ROBO2: variants seen among roughly 807,000 people sequenced by gnomAD.
ROBO2 encodes roundabout homolog 2.
Under a neutral mutation model 160.8 loss-of-function variants are expected in ROBO2, and 53 were observed. The observed-to-expected ratio is 0.33, with a 90% confidence interval of 0.26 to 0.41. The LOEUF is 0.41. Among genes scored for constraint, ROBO2 ranks in the 10% least tolerant of loss-of-function variants. The pLI is 1.00. For missense variants in ROBO2, 1,577 were observed against 1,722.4 expected (o/e 0.92, Z 1.49); for synonymous variants, 664 against 611.7 (o/e 1.09, Z -1.26).
At chr3:77,432,645 G>C (rs1376002672) in intron 2 of ROBO2, among the ~76,000 whole-genome samples, 1 of 152,170 alleles carries the variant, frequency 6.6e-6, no homozygotes, top group East Asian at 1.9e-4. Flanking sequence ...TGACAAGACT[G>C]AGTAGTTGCC....
intron 2 of ROBO2, among the ~76,000 whole-genome samples, chr3:76,382,517 G>A (rs1275492642): frequency 6.6e-6 from 1 of 152,220 alleles, no homozygotes; most frequent in African/African-American, 2.4e-5. Context: ...AACCCGGGAG[G>A]CGGAGCTTGC....
chr3:77,557,512 A>C (rs1036201203), intron 8 of ROBO2, among the ~76,000 whole-genome samples: 1 of 151,984 alleles, frequency 6.6e-6, no homozygotes, highest in Non-Finnish European at 1.5e-5. Context: ...AAAAGTGAAA[A>C]TTGGCTGTAC....
intron 2 of ROBO2, among the ~76,000 whole-genome samples, chr3:76,791,177 A>G (rs1166630928): frequency 6.6e-6 from 1 of 151,778 alleles, no homozygotes; most frequent in Non-Finnish European, 1.5e-5. Context: ...TTGGAGTGTC[A>G]ATTATAAGAA....
At chr3:77,293,402 T>C (rs575603626) in intron 2 of ROBO2, among the ~76,000 whole-genome samples, 1 of 147,090 alleles carries the variant, frequency 6.8e-6, no homozygotes, top group Non-Finnish European at 1.5e-5. Flanking sequence ...AGACATAAAG[T>C]AAAATTGATG....
chr3:76,787,149 C>T (rs1160965997), intron 2 of ROBO2, among the ~76,000 whole-genome samples: 2 of 151,214 alleles, frequency 1.3e-5, no homozygotes, highest in African/African-American at 4.8e-5. Context: ...CACCATGTCC[C>T]TCACTCAACC....
chr3:77,597,272 T>A (rs753005540), intron 19 of ROBO2, among the ~76,000 whole-genome samples: 10 of 151,396 alleles, frequency 6.6e-5, no homozygotes, highest in Non-Finnish European at 1.3e-4. Context: ...TTTCTGTAGT[T>A]CCACAACTAG....
chr3:77,625,735 T>A (rs1039713685), intron 23 of ROBO2, among the ~76,000 whole-genome samples: 1 of 152,140 alleles, frequency 6.6e-6, no homozygotes, highest in Admixed American at 6.6e-5. Flanking sequence ...TAGCTAAGAA[T>A]GGTTTTTCAC....
chr3:77,141,833 AC>A (rs1440615470), intron 2 of ROBO2, among the ~76,000 whole-genome samples: 19 of 152,214 alleles, frequency 1.2e-4, no homozygotes, highest in Admixed American at 1.2e-3. Context: ...CATTTCTGCT[AC>A]ATCCTTGGGT....
intron 6 of ROBO2, among the ~76,000 whole-genome samples, chr3:77,531,960 A>G (rs1240298104): frequency 6.6e-6 from 1 of 152,138 alleles, no homozygotes; most frequent in African/African-American, 2.4e-5. Context: ...ATTAAGCATC[A>G]GGTTTTCCGT....
intron 2 of ROBO2, among the ~76,000 whole-genome samples, chr3:76,707,112 A>C (rs2093179786): frequency 6.6e-6 from 1 of 151,998 alleles, no homozygotes; most frequent in Non-Finnish European, 1.5e-5. Flanking sequence ...GTATACATAG[A>C]CTATATATTA....
chr3:76,775,553 A>G (rs986442568), intron 2 of ROBO2, among the ~76,000 whole-genome samples: 9 of 150,842 alleles, frequency 6.0e-5, no homozygotes, highest in Non-Finnish European at 1.0e-4. Flanking sequence ...GTACTTAGCA[A>G]TGAATAACTT....
chr3:76,291,961 T>C (rs946379976), intron 2 of ROBO2, among the ~76,000 whole-genome samples: 2 of 152,194 alleles, frequency 1.3e-5, no homozygotes, highest in African/African-American at 2.4e-5. Context: ...GTATGTACTA[T>C]GTGCAGATGA....
chr3:76,267,836 A>T (rs578135591), intron 2 of ROBO2, among the ~76,000 whole-genome samples: 1 of 152,226 alleles, frequency 6.6e-6, no homozygotes, highest in Admixed American at 6.5e-5. Context: ...TCTTCACCCT[A>T]AAAGCAATTA....
intron 2 of ROBO2, among the ~76,000 whole-genome samples, chr3:76,496,478 T>C (rs1413356615): frequency 2.0e-5 from 3 of 152,212 alleles, no homozygotes; most frequent in Non-Finnish European, 4.4e-5. Flanking sequence ...AAATTTCATA[T>C]GTTACTAAAG....
chr3:76,901,937 T>C (rs2075269852), intron 2 of ROBO2, among the ~76,000 whole-genome samples: 1 of 152,044 alleles, frequency 6.6e-6, no homozygotes, highest in South Asian at 2.1e-4. Flanking sequence ...GGTACCCATG[T>C]TGAAAACCCA....
At chr3:75,928,349 A>T (rs769840106) in intron 1 of ROBO2, among the ~76,000 whole-genome samples, 3 of 152,236 alleles carry the variant, frequency 2.0e-5, no homozygotes, top group Non-Finnish European at 4.4e-5. Context: ...TTTTGCAAAA[A>T]GCAGTTATAC....
At chr3:75,935,404 C>T (rs113627976) in intron 1 of ROBO2, among the ~76,000 whole-genome samples, 1 of 151,602 alleles carries the variant, frequency 6.6e-6, no homozygotes, top group African/African-American at 2.4e-5. Flanking sequence ...CTGAGCTACT[C>T]GAGAGGCCGA....
chr3:77,315,736 A>AT (rs1242059334), intron 2 of ROBO2, among the ~76,000 whole-genome samples: 1 of 152,158 alleles, frequency 6.6e-6, no homozygotes, highest in East Asian at 1.9e-4. Context: ...ACAGCGTCTT[A>AT]TTTTTAGAAT....
At chr3:76,348,604 G>A (rs565327721) in intron 2 of ROBO2, among the ~76,000 whole-genome samples, 117 of 152,164 alleles carry the variant, frequency 7.7e-4, no homozygotes, top group African/African-American at 2.5e-3. Flanking sequence ...CCTGTGGGTA[G>A]CCCATTAGTG....
Sources: allele counts gnomAD v4.1 joint callset (sites outside exome capture counted in the v4.1 genomes callset), GRCh38; gene constraint gnomAD v4.1.1; transcripts MANE v1.5; gene names NCBI Gene and HGNC (gene_info 2026-07-23, HGNC 2026-07-21).